DCAF13: variants seen among roughly 807,000 people sequenced by gnomAD.
The protein encoded by DCAF13 is DDB1 and CUL4 associated factor 13.
Under a neutral mutation model 59.0 loss-of-function variants are expected in DCAF13, and 38 were observed. The observed-to-expected ratio is 0.64, with a 90% CI of 0.50 to 0.84. The LOEUF is 0.84. DCAF13 is among the 40% of genes least tolerant of loss of function. The probability of loss-of-function intolerance (pLI) is 0.00; values close to 1 mark genes in which losing one functional copy is unlikely to be tolerated. For synonymous variants in DCAF13, 173 were observed against 175.0 expected (o/e 0.99, Z 0.09); for missense variants, 469 against 558.4 (o/e 0.84, Z 1.61).
At chr8:103,419,433 T>G (rs1381863162) in intron 1 of DCAF13, among the ~76,000 whole-genome samples, 1 of 152,228 alleles carries the variant, frequency 6.6e-6, no homozygotes, top group Non-Finnish European at 1.5e-5. Context: ...TGAACTCTTA[T>G]GTGAGTCTTT....
chr8:103,432,006 T>C (rs967363860), intron 6 of DCAF13, among the ~76,000 whole-genome samples: 3 of 152,134 alleles, frequency 2.0e-5, no homozygotes, highest in African/African-American at 7.2e-5. Flanking sequence ...TTGATAGATG[T>C]AGGGATTGTT....
Position 103,442,997 on chromosome 8 carries a change from G to C in DCAF13, c.*115G>C, listed in dbSNP as rs886900009. ...CAAACATTTTAGTTATATGTGTAGA[G>C]CTTTATTGTTACTCCTTTTAGCTAC... On this transcript the variant is annotated 3_prime_UTR_variant, in exon 11 of 11. Transcript: ENST00000612750. The C allele has an allele frequency of 1.5e-6, 1 of 649,032 alleles. No homozygotes were observed. Among genetic ancestry groups the C allele is most frequent in the Admixed American group, 3.7e-5 (1 of 27,372 alleles). The allele number at this position is 649,032 out of a possible 1,614,324, so 40.2% of individuals were successfully genotyped here.
chr8:103,417,482 A>G (rs1282606879), intron 1 of DCAF13, among the ~76,000 whole-genome samples: 1 of 151,716 alleles, frequency 6.6e-6, no homozygotes, highest in Non-Finnish European at 1.5e-5. Flanking sequence ...TCTACTAAAA[A>G]TACAAAAAAA....
At chr8:103,417,343 TAAA>T in intron 1 of DCAF13, among the ~76,000 whole-genome samples, 1 of 151,302 alleles carries the variant, frequency 6.6e-6, no homozygotes, top group Non-Finnish European at 1.5e-5. Flanking sequence ...AGATTTTTCT[TAAA>T]AAAAAAGATC....
chr8:103,433,423 G>T (rs1403648288), intron 7 of DCAF13, among the ~76,000 whole-genome samples: 5 of 152,040 alleles, frequency 3.3e-5, no homozygotes, highest in Non-Finnish European at 5.9e-5. Context: ...GGAGGAAAGA[G>T]TATCTTATCT....
Position 103,420,680 on chromosome 8 carries a change from T to A in DCAF13, c.270+217T>A. The A allele has an allele frequency of 1.0e-5, 6 of 589,416 alleles. No homozygotes were observed. The South Asian group carries it at 1.4e-4, about 13-fold the overall frequency. 36.5% of individuals were successfully genotyped at this position (589,416 alleles called of 1,614,324 possible). On this transcript the variant is annotated intron_variant, in intron 2 of 10. Transcript: ENST00000612750. ...ATCAATTTGACAGTAAATTAAATAA[T>A]CATGTTTATAATTAAAGTATTTAAG... is the stretch of plus-strand genomic sequence containing the variant.
At position 103,438,421 on chromosome 8, in the gene DCAF13, A is replaced by ATT. The variant is rs35866941; in HGVS notation, c.951-1699_951-1698dup. Among the ~76,000 whole-genome samples the ATT allele has an allele frequency of 5.0e-3, 706 of 140,730 alleles. 7 individuals carry two copies. Among genetic ancestry groups the ATT allele is most frequent in the African/African-American group, 0.015 (583 of 38,378 alleles). The allele number at this position is 140,730 out of a possible 152,430, so 92.3% of individuals were successfully genotyped here. ...CCAGTTTTGTGAGTATAGTCGAGAG[A>ATT]TTTTTTTTTTTTTTTTTGAGACAGA... On this transcript the variant is annotated intron_variant, in intron 8 of 10. Coordinates refer to ENST00000612750, the MANE Select transcript of DCAF13 (RefSeq NM_015420.7).
chr8:103,431,511 A>G lies in DCAF13; in HGVS notation c.702+822A>G, dbSNP rs1172747335. ...GAGTACATTCATTGAAGTTTGAAGT[A>G]GATAAATATGATAATCTTTCCAAAG... On this transcript the variant is annotated intron_variant, in intron 6 of 10. Transcript: ENST00000612750. Among the ~76,000 whole-genome samples, 6 of 152,334 alleles carry G rather than the reference A, an allele frequency of 3.9e-5. No homozygotes were observed. The East Asian group carries it at 9.6e-4, about 24-fold the overall frequency.
At chr8:103,438,517 T>TC (rs1368141428) in intron 8 of DCAF13, among the ~76,000 whole-genome samples, 1 of 151,236 alleles carries the variant, frequency 6.6e-6, no homozygotes, top group Non-Finnish European at 1.5e-5. Flanking sequence ...TCTTCTGGGC[T>TC]CTAGTGATCC....
intron 8 of DCAF13, 173 bp from the exon 9 acceptor site, chr8:103,439,963 C>T: frequency 2.3e-6 from 1 of 426,302 alleles, no homozygotes; most frequent in Non-Finnish European, 3.9e-6. Context: ...TACCCCAGCA[C>T]TTAACACGGA....
chr8:103,439,372 C>G (rs1816974612), intron 8 of DCAF13: 1 of 138,968 alleles, frequency 7.2e-6, no homozygotes, highest in East Asian at 2.2e-4. Flanking sequence ...CATCAACTCA[C>G]TTTAATTAAG....
chr8:103,435,794 T>C lies in DCAF13; in HGVS notation c.950+4T>C, dbSNP rs771798570. The C allele has an allele frequency of 6.2e-7, 1 of 1,613,238 alleles. No individual in the cohort carries two copies. The highest frequency in any genetic ancestry group is 8.5e-7 in the Non-Finnish European group (1 of 1,179,576). ...CTGTAGACAAAAGTCGAAGCAGGTATGTGCCTACCAGTAAGCCATTTATAT... is the reference window on the plus strand; with the variant it reads ...CTGTAGACAAAAGTCGAAGCAGGTACGTGCCTACCAGTAAGCCATTTATAT... On this transcript the variant is annotated splice_donor_region_variant and intron_variant, in intron 8 of 10. Coordinates refer to ENST00000612750, the MANE Select transcript of DCAF13 (RefSeq NM_015420.7).
chr8:103,419,113 T>C (rs777709512), intron 1 of DCAF13, among the ~76,000 whole-genome samples: 10 of 151,830 alleles, frequency 6.6e-5, no homozygotes, highest in East Asian at 1.9e-4. Flanking sequence ...CTCGATCTCC[T>C]GACCTCGTGA....
chr8:103,432,627 A>G (rs754458852), intron 6 of DCAF13, 32 bp from the exon 7 acceptor site: 3 of 1,348,530 alleles, frequency 2.2e-6, no homozygotes, highest in Non-Finnish European at 3.2e-6. Flanking sequence ...AAGGAAAGGA[A>G]GTGGGAAATT....
intron 3 of DCAF13, among the ~76,000 whole-genome samples, chr8:103,425,259 G>A (rs1816773101): frequency 6.6e-6 from 1 of 152,108 alleles, no homozygotes; most frequent in South Asian, 2.1e-4. Context: ...TTATGATTTT[G>A]TTTTCAACCT....
intron 1 of DCAF13, among the ~76,000 whole-genome samples, chr8:103,418,866 ATTTTTTTTTTTTT>A (rs1159489554): frequency 7.8e-5 from 3 of 38,430 alleles, no homozygotes; most frequent in Admixed American, 3.5e-4. Flanking sequence ...ATATATATAT[ATTTTTTTTTTTTT>A]TTTTTTTTTT....
At chr8:103,430,856 A>G (rs954874370) in intron 6 of DCAF13, among the ~76,000 whole-genome samples, 167 bp downstream of exon 6, 1 of 152,104 alleles carries the variant, frequency 6.6e-6, no homozygotes, top group South Asian at 2.1e-4. Context: ...TCAGCTCCCT[A>G]TTGCTTTTTA....
chr8:103,427,312 A>T lies in DCAF13; in HGVS notation c.624+60A>T, dbSNP rs1816808211. On this transcript the variant is annotated intron_variant, in intron 5 of 10. Transcript: ENST00000612750. ...TGGCTTAATAATTTCAGTTCTGTTTAGAAAACTTTTGAATGTATGATAGAA... is the reference window on the plus strand; with the variant it reads ...TGGCTTAATAATTTCAGTTCTGTTTTGAAAACTTTTGAATGTATGATAGAA... 10 of 1,476,360 alleles carry T rather than the reference A, an allele frequency of 6.8e-6. No homozygotes were observed. The East Asian group carries it at 2.3e-4, about 34-fold the overall frequency. 91.5% of individuals were successfully genotyped at this position (1,476,360 alleles called of 1,614,324 possible).
chr8:103,420,431 G>T lies in DCAF13; in HGVS notation c.238G>T (p.Ala80Ser). 1.9e-6 allele frequency: 3 copies of T among 1,613,988 alleles called. No homozygotes were observed. Among genetic ancestry groups the T allele is most frequent in the Non-Finnish European group, 2.5e-6 (3 of 1,179,944 alleles). The change falls in exon 2 of 11, where the codon GCT (alanine) becomes TCT (serine). Residue 80 changes from alanine (A) to serine (S), a missense_variant. Transcript: ENST00000612750. The part of the protein sequence containing the change: ...NCLAKHPEKL[A>S]TVLSGACDGE... ...CTTGGCAAAGCATCCAGAGAAGCTGGCTACTGTCCTTTCTGGGGCGTGTGA... is the reference window on the plus strand; with the variant it reads ...CTTGGCAAAGCATCCAGAGAAGCTGTCTACTGTCCTTTCTGGGGCGTGTGA...
Sources: allele counts gnomAD v4.1 joint callset (sites outside exome capture counted in the v4.1 genomes callset), GRCh38; gene constraint gnomAD v4.1.1; transcripts MANE v1.5; gene names NCBI Gene and HGNC (gene_info 2026-07-23, HGNC 2026-07-21).